MEOX1: variants seen among roughly 807,000 people sequenced by gnomAD.
The protein encoded by MEOX1 is homeobox protein MOX-1.
A neutral mutation model predicts 23.2 loss-of-function variants in MEOX1; 17 were observed. The ratio of observed to expected loss-of-function variants is 0.73; its 90% confidence interval spans 0.50 to 1.10. The LOEUF is 1.10. MEOX1 is among the 50% of genes least tolerant of loss of function. The pLI is 0.00. For missense variants in MEOX1, 333 were observed against 332.2 expected, an observed-to-expected ratio of 1.00 and a Z score of -0.02; for synonymous variants, 134 against 135.1, an observed-to-expected ratio of 0.99 and a Z score of 0.06.
chr17:43,656,919 T>A (rs113328819), intron 1 of MEOX1, among the ~76,000 whole-genome samples: 1,685 of 152,260 alleles, frequency 0.011, 34 homozygotes, highest in African/African-American at 0.039. Context: ...CATGCTGGTC[T>A]CCAGGGTGGG....
chr17:43,644,916 G>GA (rs1017184537), intron 1 of MEOX1, among the ~76,000 whole-genome samples: 2 of 151,146 alleles, frequency 1.3e-5, no homozygotes, highest in African/African-American at 4.9e-5. Context: ...ACTACGTCTT[G>GA]AAAAAAAAAT....
chr17:43,657,924 G>A (rs1053172605), intron 1 of MEOX1, among the ~76,000 whole-genome samples: 1 of 152,202 alleles, frequency 6.6e-6, no homozygotes. Context: ...CAGGCACAGA[G>A]TTAATCTCAT....
intron 2 of MEOX1, among the ~76,000 whole-genome samples, chr17:43,643,166 A>T (rs1308687906): frequency 6.6e-6 from 1 of 151,934 alleles, no homozygotes; most frequent in East Asian, 1.9e-4. Flanking sequence ...AACAAAAATT[A>T]GCCGGGCGTG....
At chr17:43,653,973 C>T (rs1236715849) in intron 1 of MEOX1, among the ~76,000 whole-genome samples, 1 of 152,176 alleles carries the variant, frequency 6.6e-6, no homozygotes, top group African/African-American at 2.4e-5. Context: ...GTGCTGCTTT[C>T]ACTAAAGGGG....
At chr17:43,653,978 A>C (rs1281786110) in intron 1 of MEOX1, among the ~76,000 whole-genome samples, 1 of 152,118 alleles carries the variant, frequency 6.6e-6, no homozygotes. Flanking sequence ...GCTTTCACTA[A>C]AGGGGTTTTC....
chr17:43,649,998 A>G (rs887927659), intron 1 of MEOX1, among the ~76,000 whole-genome samples: 2 of 152,336 alleles, frequency 1.3e-5, no homozygotes, highest in East Asian at 1.9e-4. Context: ...TCAGAGCTAC[A>G]GGGAGGTTCA....
intron 1 of MEOX1, 31 bp from the exon 2 acceptor site, chr17:43,643,691 A>C: frequency 6.3e-7 from 1 of 1,596,764 alleles, no homozygotes. Flanking sequence ...ACAGGAAGAC[A>C]TGGGCTGAGG....
In MEOX1 at chr17:43,641,857, G is replaced by T; in HGVS notation, c.*53C>A. On this transcript the variant is annotated 3_prime_UTR_variant, in exon 3 of 3. Transcript: ENST00000318579. ...GAGGGTGAAGGTGGGATTGGGGTGGGGGTAGTTGGGTAGGGGGCTCAGTCC... is the reference window on the plus strand; with the variant it reads ...GAGGGTGAAGGTGGGATTGGGGTGGTGGTAGTTGGGTAGGGGGCTCAGTCC... 1 of 1,562,628 alleles carries T rather than the reference G, an allele frequency of 6.4e-7. No individual in the cohort carries two copies. Among genetic ancestry groups the T allele is most frequent in the South Asian group, 1.2e-5 (1 of 83,654 alleles).
rs1438398332 is a variant in MEOX1, at chr17:43,661,684, A to C, written c.-150T>G. 12 of 550,804 alleles carry C rather than the reference A, an allele frequency of 2.2e-5. No individual in the cohort carries two copies. Among genetic ancestry groups the C allele is most frequent in the African/African-American group, 7.8e-5 (4 of 51,170 alleles). 34.1% of individuals were successfully genotyped at this position (550,804 alleles called of 1,614,324 possible). A position where few individuals can be genotyped will look rare whatever the true frequency, so the allele number is the denominator to read the frequency against. The stretch of plus-strand genomic sequence containing the variant: ...TACCCCAGGAACCAAAAAAAAAAAA[A>C]AACCCAAAACTAAAGTCTCTCCTTA... On this transcript the variant is annotated 5_prime_UTR_variant, in exon 1 of 3. Transcript: ENST00000318579.
At chr17:43,644,282 C>T (rs1391391837) in intron 1 of MEOX1, among the ~76,000 whole-genome samples, 1 of 152,240 alleles carries the variant, frequency 6.6e-6, no homozygotes, top group African/African-American at 2.4e-5. Flanking sequence ...CCTGAAGGAT[C>T]TCAGGCCTGC....
chr17:43,657,152 CTCTT>C lies in MEOX1; in HGVS notation c.469+3910_469+3913del, dbSNP rs201907759. Among the ~76,000 whole-genome samples, 275 of 108,624 alleles carry C rather than the reference CTCTT, an allele frequency of 2.5e-3. 10 individuals carry two copies. Among genetic ancestry groups the C allele is most frequent in the African/African-American group, 0.01 (257 of 25,644 alleles). The allele number at this position is 108,624 out of a possible 152,430, so 71.3% of individuals were successfully genotyped here. A position where few individuals can be genotyped will look rare whatever the true frequency, so the allele number is the denominator to read the frequency against. On this transcript the variant is annotated intron_variant, in intron 1 of 2. Transcript: ENST00000318579. Reference sequence around the variant, plus strand: ...TTCCTTCCTTTCTTCCTTTCTCTCTCTCTTTCTTTCTTTCTTTCTTTTTTTTTTT... The same window carrying C: ...TTCCTTCCTTTCTTCCTTTCTCTCTCTCTTTCTTTCTTTCTTTTTTTTTTT...
At chr17:43,656,421 G>A (rs1016644261) in intron 1 of MEOX1, among the ~76,000 whole-genome samples, 2 of 152,132 alleles carry the variant, frequency 1.3e-5, no homozygotes, top group African/African-American at 4.8e-5. Context: ...GCGGGGAGGT[G>A]GCCTGTAAAG....
intron 1 of MEOX1, among the ~76,000 whole-genome samples, chr17:43,646,752 G>T (rs1972822639): frequency 6.6e-6 from 1 of 152,180 alleles, no homozygotes; most frequent in Non-Finnish European, 1.5e-5. Context: ...GAGGCGGGCG[G>T]ATCACCTGAG....
chr17:43,640,495 G>GA lies in MEOX1; in HGVS notation c.*1414dup, dbSNP rs1295342363. The GA allele has an allele frequency of 2.0e-5, 3 of 152,162 alleles. No individual in the cohort carries two copies. The highest frequency in any genetic ancestry group is 4.4e-5 in the Non-Finnish European group (3 of 68,034). The allele number at this position is 152,162 out of a possible 1,614,324, so 9.4% of individuals were successfully genotyped here. On this transcript the variant is annotated 3_prime_UTR_variant, in exon 3 of 3. Coordinates refer to ENST00000318579, the MANE Select transcript of MEOX1 (RefSeq NM_004527.4). Reference sequence around the variant, plus strand: ...AAGAAAATATATGAAGTATGCTTTAGAAAAAATCATGCTCTAACCAGCCAT... The same window carrying GA: ...AAGAAAATATATGAAGTATGCTTTAGAAAAAAATCATGCTCTAACCAGCCAT...
chr17:43,651,737 C>T (rs974479173), intron 1 of MEOX1, among the ~76,000 whole-genome samples: 2 of 152,206 alleles, frequency 1.3e-5, no homozygotes, highest in Non-Finnish European at 2.9e-5. Context: ...GTTATCCCCC[C>T]TCCCTGGGCC....
chr17:43,651,434 G>A (rs1972914797), intron 1 of MEOX1, among the ~76,000 whole-genome samples: 1 of 152,110 alleles, frequency 6.6e-6, no homozygotes, highest in Non-Finnish European at 1.5e-5. Context: ...GTAGTTCTGG[G>A]TTTTGTTTAT....
intron 1 of MEOX1, among the ~76,000 whole-genome samples, chr17:43,652,612 A>G (rs962653935): frequency 6.6e-6 from 1 of 152,148 alleles, no homozygotes; most frequent in Non-Finnish European, 1.5e-5. Flanking sequence ...CCACACAGCC[A>G]GGAAGTTGTG....
intron 2 of MEOX1, among the ~76,000 whole-genome samples, chr17:43,642,933 T>G (rs1972724655): frequency 6.6e-6 from 1 of 152,178 alleles, no homozygotes; most frequent in Admixed American, 6.5e-5. Context: ...AGGGGGCCTT[T>G]GAAAAATTCT....
At chr17:43,649,313 T>TTTC (rs1972870045) in intron 1 of MEOX1, among the ~76,000 whole-genome samples, 2 of 140,568 alleles carry the variant, frequency 1.4e-5, no homozygotes, top group Non-Finnish European at 3.0e-5. Context: ...TTTTTTTTTT[T>TTTC]TGAGGCTGAG....
Sources: gnomAD v4.1 joint callset for allele counts (sites outside exome capture counted in the v4.1 genomes callset) on GRCh38, gnomAD v4.1.1 for gene constraint, MANE v1.5 for transcripts, NCBI Gene and HGNC (gene_info 2026-07-23, HGNC 2026-07-21) for gene names.